The following MAEL variants were observed in gnomAD, a reference collection of about 807,000 sequenced individuals.
MAEL encodes the protein maelstrom spermatogenic transposon silencer, also known as protein maelstrom homolog.
In MAEL, 46 loss-of-function variants were observed where a neutral mutation model predicts 62.0. That is an observed-to-expected ratio of 0.74 (90% CI 0.59 to 0.95). MAEL has a LOEUF of 0.95. Among genes scored for constraint, MAEL ranks in the 40% least tolerant of loss-of-function variants. MAEL has a pLI of 0.00. For missense variants in MAEL, 497 were observed against 526.8 expected, an observed-to-expected ratio of 0.94 and a Z score of 0.55; for synonymous variants, 172 against 175.5, an observed-to-expected ratio of 0.98 and a Z score of 0.16.
At chr1:166,990,109 A>T (rs1664102957) in intron 2 of MAEL, 2 of 224,466 alleles carry the variant, frequency 8.9e-6, no homozygotes, top group African/African-American at 5.1e-5. Flanking sequence ...CGCTAATGGG[A>T]GTGTAACATC....
chr1:167,005,192 C>G, intron 7 of MAEL, 62 bp downstream of exon 7: 2 of 1,609,054 alleles, frequency 1.2e-6, no homozygotes, highest in Admixed American at 1.7e-5. Flanking sequence ...TTTGTTTCCA[C>G]TTTGATATCT....
chr1:166,991,487 T>A lies in MAEL; in HGVS notation c.325+10T>A. On this transcript the variant is annotated intron_variant, in intron 3 of 11. Transcript: ENST00000367872. Reference sequence around the variant, plus strand: ...TTAAAAGGTGATCAAGGTAGAGTAATCCTGAAATATTTTGCTGAGATAAAT... The same window carrying A: ...TTAAAAGGTGATCAAGGTAGAGTAAACCTGAAATATTTTGCTGAGATAAAT... 1 of 1,546,750 alleles carries A rather than the reference T, an allele frequency of 6.5e-7. No homozygotes were observed. The highest frequency in any genetic ancestry group is 8.9e-7 in the Non-Finnish European group (1 of 1,119,572).
chr1:166,991,291 T>G (rs1571243008), intron 2 of MAEL, 87 bp from the exon 3 acceptor site: 58 of 799,406 alleles, frequency 7.3e-5, no homozygotes, highest in African/African-American at 1.7e-5. Context: ...CTATAGGCTG[T>G]TTTGCAGTTA....
chr1:166,998,546 G>C (rs915972992), intron 5 of MAEL, among the ~76,000 whole-genome samples: 6 of 151,886 alleles, frequency 4.0e-5, no homozygotes, highest in African/African-American at 1.5e-4. Context: ...TTTAAAATTT[G>C]CTTTGTCTTA....
chr1:166,990,017 G>C (rs1664098741), intron 2 of MAEL, 188 bp downstream of exon 2: 1 of 578,222 alleles, frequency 1.7e-6, no homozygotes, highest in East Asian at 2.9e-5. Flanking sequence ...TCCACAACTA[G>C]GGCATGCACA....
rs116937458 is a variant in MAEL at position 166,998,653 on chromosome 1, G to T, written c.523+4584G>T. Among the ~76,000 whole-genome samples, 27 of 152,208 alleles carry T rather than the reference G, an allele frequency of 1.8e-4. No individual in the cohort carries two copies. In the East Asian group the frequency reaches 5.0e-3, roughly 28 times the overall value. Reference sequence around the variant, plus strand: ...CTCTCCCCACCCCCGTTTTTGGTGTGTGCTCTTTATCAGGATAAAGATGTT... The same window carrying T: ...CTCTCCCCACCCCCGTTTTTGGTGTTTGCTCTTTATCAGGATAAAGATGTT... On this transcript the variant is annotated intron_variant, in intron 5 of 11. Transcript: ENST00000367872.
intron 5 of MAEL, among the ~76,000 whole-genome samples, chr1:166,995,681 A>AT (rs1477012302): frequency 7.9e-5 from 12 of 151,552 alleles, no homozygotes; most frequent in African/African-American, 2.7e-4. Context: ...GCAGTTAAAA[A>AT]AAAAAAATAA....
At chr1:166,987,886 T>C (rs922204976), upstream of MAEL, among the ~76,000 whole-genome samples, 2 of 152,162 alleles carry the variant, frequency 1.3e-5, no homozygotes, top group African/African-American at 4.8e-5. Flanking sequence ...CTGATACCAA[T>C]ATTTGGTAAA....
chr1:167,015,040 A>G (rs983772820), intron 8 of MAEL, among the ~76,000 whole-genome samples: 1 of 152,184 alleles, frequency 6.6e-6, no homozygotes, highest in African/African-American at 2.4e-5. Context: ...AAAGCCTGCA[A>G]CATGAAAAAG....
rs769923622 is a variant in MAEL at position 166,992,733 on chromosome 1, G to A, written c.373G>A (p.Glu125Lys). The A allele has an allele frequency of 5.0e-6, 8 of 1,606,896 alleles. No homozygotes were observed. The highest frequency in any genetic ancestry group is 2.2e-5 in the East Asian group (1 of 44,550). ...FYFLNIFSHG[E>K]LPPHCEQRFL... is the part of the protein sequence containing the mutation. ...TTTTTTGAACATTTTTAGCCATGGC[G>A]AGCTACCTCCTCATTGTGAACAGCG... The change falls in exon 4 of 12, where the codon GAG becomes AAG. Residue 125 changes from glutamate to lysine, a missense_variant. By Grantham distance (56) the Glu-to-Lys change is moderately conservative (BLOSUM62 1). Coordinates refer to ENST00000367872, the MANE Select transcript of MAEL (RefSeq NM_032858.3).
intron 3 of MAEL, among the ~76,000 whole-genome samples, chr1:166,992,048 T>C (rs1001677501): frequency 1.4e-4 from 22 of 152,306 alleles, no homozygotes; most frequent in African/African-American, 5.3e-4. Context: ...CTTATAAAGA[T>C]ACAAATGAAT....
At chr1:167,015,922 GTGTACA>G (rs1202410999) in intron 8 of MAEL, among the ~76,000 whole-genome samples, 2 of 152,120 alleles carry the variant, frequency 1.3e-5, no homozygotes, top group African/African-American at 4.8e-5. Flanking sequence ...CTAGAAAATA[GTGTACA>G]TTGAATAAAT....
At position 166,992,673 on chromosome 1, in the gene MAEL, A is replaced by T. The variant is rs905528096; in HGVS notation, c.326-13A>T. Reference sequence around the variant, plus strand: ...CATTCATTTATTCATTTTATCTTACAATTTTTTTTTAGCTCTCCTTGGAGG... The same window carrying T: ...CATTCATTTATTCATTTTATCTTACTATTTTTTTTTAGCTCTCCTTGGAGG... On this transcript the variant is annotated splice_polypyrimidine_tract_variant and intron_variant, in intron 3 of 11. Transcript: ENST00000367872. The T allele has an allele frequency of 1.3e-6, 2 of 1,563,168 alleles. No homozygotes were observed. Among genetic ancestry groups the T allele is most frequent in the Non-Finnish European group, 1.7e-6 (2 of 1,162,248 alleles).
In MAEL at chr1:166,989,766, C is replaced by A. The variant is rs779808013; in HGVS notation, c.162C>A (p.Tyr54Ter). 6.2e-7 allele frequency: 1 copy of A among 1,613,780 alleles called. No individual in the cohort carries two copies. The highest frequency in any genetic ancestry group is 8.5e-7 in the Non-Finnish European group (1 of 1,179,972). ...TGAGGGAGGAAGAAAAGGAGAAATA[C>A]GCAGAAATGGCTCGAGAATGGAGGG... ...ALLREEEKEK[Y>*]AEMAREWRAA... Residue 54 changes from tyrosine (Y) to a stop codon, truncating the protein, a stop_gained, in exon 2 of 12, where the codon TAC (tyrosine) becomes TAA (stop). Coordinates refer to ENST00000367872, the MANE Select transcript of MAEL (RefSeq NM_032858.3). LOFTEE classifies it high-confidence loss of function.
chr1:167,006,524 T>C (rs1664902326), intron 8 of MAEL, among the ~76,000 whole-genome samples: 1 of 149,776 alleles, frequency 6.7e-6, no homozygotes, highest in Non-Finnish European at 1.5e-5. Context: ...GTCCAATTAC[T>C]GATGATGATA....
upstream of MAEL, among the ~76,000 whole-genome samples, chr1:166,985,243 G>A (rs146456914): frequency 1.8e-4 from 27 of 152,312 alleles, no homozygotes; most frequent in African/African-American, 5.3e-4. Context: ...GAGTTGAGGA[G>A]ATGGAGGTGG....
intron 8 of MAEL, among the ~76,000 whole-genome samples, chr1:167,007,109 T>C (rs536699261): frequency 5.8e-4 from 89 of 152,186 alleles, no homozygotes; most frequent in African/African-American, 1.4e-3. Flanking sequence ...TCCTTCTGCA[T>C]TTATTGGTTG....
At chr1:166,989,193 T>G, upstream of MAEL, 1 of 962,726 alleles carries the variant, frequency 1.0e-6, no homozygotes, top group Non-Finnish European at 1.5e-6. Context: ...CTCAGGCTGT[T>G]TGTTCCCCCG....
chr1:167,013,276 G>A (rs1472949916), intron 8 of MAEL, among the ~76,000 whole-genome samples: 2 of 152,184 alleles, frequency 1.3e-5, no homozygotes, highest in Non-Finnish European at 2.9e-5. Flanking sequence ...GGACCTCACA[G>A]CACGTAGATG....
Sources: allele counts gnomAD v4.1 joint callset (sites outside exome capture counted in the v4.1 genomes callset), GRCh38; gene constraint gnomAD v4.1.1; transcripts MANE v1.5; gene names NCBI Gene and HGNC (gene_info 2026-07-23, HGNC 2026-07-21).